Variants in HNRNPM observed in about 807,000 individuals in gnomAD.
HNRNPM encodes the protein heterogeneous nuclear ribonucleoprotein M.
HNRNPM carries 11 observed loss-of-function variants against 73.1 expected under a neutral mutation model. That is an observed-to-expected ratio of 0.15 (90% CI 0.09 to 0.25). The LOEUF (loss-of-function observed/expected upper bound fraction) is 0.25. HNRNPM is among the 10% of genes least tolerant of loss of function. The pLI is 1.00. For synonymous variants in HNRNPM, 407 were observed against 355.2 expected (o/e 1.15, Z -1.64); for missense variants, 789 against 1,067.9 (o/e 0.74, Z 3.64).
chr19:8,448,321 T>C (rs939960599), intron 1 of HNRNPM, among the ~76,000 whole-genome samples: 2 of 152,070 alleles, frequency 1.3e-5, no homozygotes, highest in African/African-American at 4.8e-5. Flanking sequence ...TGATGAGAAG[T>C]CTGTTCCAAT....
At chr19:8,447,924 G>A (rs1223108523) in intron 1 of HNRNPM, among the ~76,000 whole-genome samples, 1 of 152,180 alleles carries the variant, frequency 6.6e-6, no homozygotes, top group African/African-American at 2.4e-5. Context: ...CACTGGGGAG[G>A]CTGAGGCAGG....
intron 12 of HNRNPM, among the ~76,000 whole-genome samples, chr19:8,479,636 CAG>C (rs1172040541): frequency 6.6e-6 from 1 of 151,236 alleles, no homozygotes; most frequent in Admixed American, 6.6e-5. Context: ...TTTGTAGAGA[CAG>C]AGTGTATGTT....
At chr19:8,465,813 T>C (rs11878480) in intron 6 of HNRNPM, among the ~76,000 whole-genome samples, 9,219 of 152,222 alleles carry the variant, frequency 0.061, 603 homozygotes, top group African/African-American at 0.16. Context: ...AGAGTAAGAC[T>C]GTACGAGCAG....
Position 8,486,277 on chromosome 19 carries a change from G to C in HNRNPM, c.1849G>C (p.Ala617Pro), listed in dbSNP as rs199580243. ...MGLAMGGGGG[A>P]SFDRAIEMER... ...CCTGGCCATGGGTGGCGGTGGCGGT[G>C]CCAGCTTTGACCGTGCCATCGAGAT... Residue 617 changes from alanine to proline, a missense_variant, in exon 14 of 16, where the codon GCC (alanine) becomes CCC (proline). Transcript: ENST00000325495. 1 of 1,601,594 alleles carries C rather than the reference G, an allele frequency of 6.2e-7. No homozygotes were observed. The highest frequency in any genetic ancestry group is 1.1e-5 in the South Asian group (1 of 91,084).
At chr19:8,483,264 T>A in intron 13 of HNRNPM, 53 bp downstream of exon 13, 1 of 1,394,366 alleles carries the variant, frequency 7.2e-7, no homozygotes, top group Non-Finnish European at 1.0e-6. Context: ...CTGTTATCGC[T>A]GGGGACTGTA....
Position 8,462,687 on chromosome 19 carries a change from A to G in HNRNPM, c.336+106A>G. 1 of 943,312 alleles carries G rather than the reference A, an allele frequency of 1.1e-6. No individual in the cohort carries two copies. The highest frequency in any genetic ancestry group is 1.7e-6 in the Non-Finnish European group (1 of 574,288). 58.4% of individuals were successfully genotyped at this position (943,312 alleles called of 1,614,324 possible). On this transcript the variant is annotated intron_variant, in intron 3 of 15. Coordinates refer to ENST00000325495, the MANE Select transcript of HNRNPM (RefSeq NM_005968.5). The surrounding 1 kb of genome is among the most constrained non-coding windows in gnomAD (Gnocchi z 4.5). ...CAGGAAGGCAGTGAGTGCTCATGTT[A>G]CAGTAGCTATGTTTGATTTTGCCAA... is the stretch of plus-strand genomic sequence containing the variant.
intron 12 of HNRNPM, among the ~76,000 whole-genome samples, chr19:8,479,637 A>G (rs543980371): frequency 1.3e-5 from 2 of 151,622 alleles, no homozygotes; most frequent in East Asian, 3.9e-4. Context: ...TTGTAGAGAC[A>G]GAGTGTATGT....
intron 1 of HNRNPM, among the ~76,000 whole-genome samples, chr19:8,454,673 G>GGC (rs372129946): frequency 9.7e-6 from 1 of 103,008 alleles, no homozygotes; most frequent in Non-Finnish European, 1.9e-5. Flanking sequence ...ATCATTTTAT[G>GGC]CCCCCCCCCC....
At chr19:8,466,586 G>A (rs1032013215) in intron 7 of HNRNPM, among the ~76,000 whole-genome samples, 198 bp downstream of exon 7, 1 of 152,060 alleles carries the variant, frequency 6.6e-6, no homozygotes, top group Admixed American at 6.6e-5. Flanking sequence ...CCAGCACTTC[G>A]GGAGGCCAAG....
intron 1 of HNRNPM, among the ~76,000 whole-genome samples, chr19:8,448,949 C>G (rs1599741188): frequency 6.6e-6 from 1 of 152,300 alleles, no homozygotes; most frequent in East Asian, 1.9e-4. Context: ...GTTCAGGAAC[C>G]TGACCTAAAG....
chr19:8,450,265 C>T (rs745326153), intron 1 of HNRNPM, among the ~76,000 whole-genome samples: 15 of 152,116 alleles, frequency 9.9e-5, no homozygotes, highest in Non-Finnish European at 2.1e-4. Context: ...ATTGGGATTG[C>T]CATTTCAAAC....
At chr19:8,465,067 C>CT (rs1273384479) in intron 5 of HNRNPM, among the ~76,000 whole-genome samples, 4 of 152,136 alleles carry the variant, frequency 2.6e-5, no homozygotes, top group African/African-American at 9.7e-5. Flanking sequence ...CCCTACCCTG[C>CT]TTTTCTTTTT....
intron 12 of HNRNPM, among the ~76,000 whole-genome samples, chr19:8,476,865 G>A (rs2145720259): frequency 6.6e-6 from 1 of 152,014 alleles, no homozygotes; most frequent in Admixed American, 6.5e-5. Context: ...TTCTGTCCCT[G>A]CCGCCGTCCC....
chr19:8,452,804 A>G (rs993589712), intron 1 of HNRNPM, among the ~76,000 whole-genome samples: 1 of 152,086 alleles, frequency 6.6e-6, no homozygotes, highest in African/African-American at 2.4e-5. Context: ...GTGTTTGGGG[A>G]CTACACAAAG....
chr19:8,451,491 T>C (rs1176649550), intron 1 of HNRNPM, among the ~76,000 whole-genome samples: 1 of 151,968 alleles, frequency 6.6e-6, no homozygotes. Context: ...GGACATCACT[T>C]TTATACTATC....
At chr19:8,488,601 A>T in intron 15 of HNRNPM, 90 bp from the exon 16 acceptor site, 1 of 1,184,610 alleles carries the variant, frequency 8.4e-7, no homozygotes, top group Non-Finnish European at 1.2e-6. Flanking sequence ...TTTGTGCTCT[A>T]GGCTTCAGGG....
intron 1 of HNRNPM, among the ~76,000 whole-genome samples, chr19:8,451,105 C>G (rs1968587340): frequency 6.6e-6 from 1 of 152,070 alleles, no homozygotes; most frequent in Admixed American, 6.6e-5. Context: ...CGGGGTTTCA[C>G]CATGTTGGCC....
chr19:8,467,661 C>A, intron 8 of HNRNPM, 77 bp downstream of exon 8: 1 of 1,023,354 alleles, frequency 9.8e-7, no homozygotes, highest in Non-Finnish European at 1.5e-6. Context: ...GTACATATAG[C>A]CACTATGAAA....
chr19:8,482,259 G>T (rs556278767), intron 12 of HNRNPM, among the ~76,000 whole-genome samples: 1 of 152,308 alleles, frequency 6.6e-6, no homozygotes, highest in Non-Finnish European at 1.5e-5. Context: ...GCGGCCGGGG[G>T]ACAGGTTTTA....
Sources: gnomAD v4.1 joint callset for allele counts (sites outside exome capture counted in the v4.1 genomes callset) on GRCh38, gnomAD v4.1.1 for gene constraint, Gnocchi (gnomAD v3.1) non-coding constraint, MANE v1.5 for transcripts, NCBI Gene and HGNC (gene_info 2026-07-23, HGNC 2026-07-21) for gene names.